The following DACH2 variants were observed in gnomAD, a reference collection of about 807,000 sequenced individuals.
DACH2 encodes dachshund homolog 2.
In DACH2, 17 loss-of-function variants were observed where a neutral mutation model predicts 35.8. That is an observed-to-expected ratio of 0.48 (90% CI 0.33 to 0.71). DACH2 has a LOEUF of 0.71. Ranked by LOEUF, DACH2 falls within the 30% of genes least tolerant of loss-of-function variation. The probability of loss-of-function intolerance (pLI) is 0.02; values close to 1 mark genes in which losing one functional copy is unlikely to be tolerated. For synonymous variants in DACH2, 195 were observed against 177.3 expected (o/e 1.10, Z -0.79); for missense variants, 469 against 472.7 (o/e 0.99, Z 0.07).
chrX:86,660,712 C>T (rs1321159550), intron 4 of DACH2, among the ~76,000 whole-genome samples: 1 of 111,273 alleles, frequency 9.0e-6, no homozygotes, highest in Non-Finnish European at 1.9e-5. Context: ...AGTTAATTTA[C>T]AGCATATATT....
chrX:86,295,419 C>G (rs1184392664), intron 1 of DACH2, among the ~76,000 whole-genome samples: 1 of 111,959 alleles, frequency 8.9e-6, no homozygotes, highest in Non-Finnish European at 1.9e-5. Context: ...GCAGCTGTTC[C>G]TATTCGCTCT....
chrX:86,200,942 C>T (rs1276232687), intron 1 of DACH2, among the ~76,000 whole-genome samples: 3 of 111,283 alleles, frequency 2.7e-5, no homozygotes, highest in Non-Finnish European at 5.7e-5. Context: ...TTGGTATATA[C>T]CCAAAGGTAT....
intron 1 of DACH2, among the ~76,000 whole-genome samples, chrX:86,341,363 C>A (rs1031530566): frequency 9.0e-6 from 1 of 111,689 alleles, no homozygotes; most frequent in Non-Finnish European, 1.9e-5. Context: ...ACAAATGGCA[C>A]AAGAAAACTT....
intron 2 of DACH2, among the ~76,000 whole-genome samples, chrX:86,463,617 A>G (rs746677865): frequency 9.0e-6 from 1 of 111,642 alleles, no homozygotes; most frequent in Non-Finnish European, 1.9e-5. Flanking sequence ...AGGCATGGGC[A>G]AAGACTTCAT....
intron 2 of DACH2, among the ~76,000 whole-genome samples, chrX:86,402,634 C>T (rs1221844234): frequency 2.7e-5 from 3 of 111,586 alleles, no homozygotes; most frequent in Non-Finnish European, 5.7e-5. Context: ...CATGCCATTC[C>T]TATCAAGCTA....
At chrX:86,412,994 C>T (rs1050476962) in intron 2 of DACH2, among the ~76,000 whole-genome samples, 1 of 111,639 alleles carries the variant, frequency 9.0e-6, no homozygotes, top group Non-Finnish European at 1.9e-5. Flanking sequence ...TGTGCCTTTT[C>T]TTGGTTGTAG....
chrX:86,667,358 A>G (rs1477430291), intron 4 of DACH2, among the ~76,000 whole-genome samples: 19 of 53,231 alleles, frequency 3.6e-4, no homozygotes, highest in East Asian at 2.8e-3. Context: ...AGGAAGGAAG[A>G]GGAAGGGAAG....
At chrX:86,812,738 G>A (rs2042406514) in intron 7 of DACH2, 118 bp from the exon 8 acceptor site, 1 of 420,115 alleles carries the variant, frequency 2.4e-6, no homozygotes, top group African/African-American at 2.6e-5. Flanking sequence ...CTAATTATGA[G>A]AATGTCAGTC....
intron 3 of DACH2, among the ~76,000 whole-genome samples, chrX:86,614,246 T>C (rs2039979491): frequency 9.0e-6 from 1 of 111,645 alleles, no homozygotes; most frequent in South Asian, 3.7e-4. Context: ...TTATCTTAGG[T>C]GGAACTTGAT....
intron 3 of DACH2, among the ~76,000 whole-genome samples, chrX:86,631,988 A>G (rs1487754160): frequency 9.0e-6 from 1 of 111,686 alleles, no homozygotes; most frequent in Non-Finnish European, 1.9e-5. Context: ...ATCTAGTACA[A>G]AGCAAATCTA....
intron 4 of DACH2, among the ~76,000 whole-genome samples, chrX:86,665,104 A>G (rs1006267571): frequency 8.9e-6 from 1 of 111,887 alleles, no homozygotes; most frequent in Non-Finnish European, 1.9e-5. Flanking sequence ...CCTTCAATAA[A>G]CATAAGGAAA....
intron 3 of DACH2, among the ~76,000 whole-genome samples, chrX:86,560,124 A>T (rs1206621427): frequency 1.3e-4 from 4 of 30,532 alleles, no homozygotes; most frequent in Non-Finnish European, 1.0e-4. Context: ...GAGCTCTTTT[A>T]GGGCAGGCCT....
At chrX:86,474,064 G>A (rs892845820) in intron 2 of DACH2, among the ~76,000 whole-genome samples, 1 of 111,620 alleles carries the variant, frequency 9.0e-6, no homozygotes, top group Non-Finnish European at 1.9e-5. Flanking sequence ...ATTTTAACTG[G>A]GGTGAGATGA....
chrX:86,553,165 G>A (rs139108687), intron 3 of DACH2, among the ~76,000 whole-genome samples: 6,930 of 111,132 alleles, frequency 0.062, 553 homozygotes, highest in African/African-American at 0.21. Flanking sequence ...GGAAGCCGAC[G>A]GTGCAGCCTT....
Position 86,635,852 on chromosome X carries a change from T to G in DACH2, c.641-15184T>G, listed in dbSNP as rs181063986. ...AGTGTAAGATCCCTGTAGGAAGAAC[T>G]ACTGAACACTGCCCAAAGAAATCAG... On this transcript the variant is annotated intron_variant, in intron 3 of 11. Transcript: ENST00000373125. Among the ~76,000 whole-genome samples the G allele has an allele frequency of 5.4e-5, 6 of 111,419 alleles. No individual in the cohort carries two copies. In the East Asian group the frequency reaches 1.7e-3, roughly 32 times the overall value.
intron 1 of DACH2, among the ~76,000 whole-genome samples, chrX:86,271,214 A>G: frequency 8.9e-6 from 1 of 111,952 alleles, no homozygotes; most frequent in Non-Finnish European, 1.9e-5. Flanking sequence ...AGGACCATCA[A>G]GGCTCTTCAA....
intron 3 of DACH2, among the ~76,000 whole-genome samples, chrX:86,646,660 G>A (rs1432143900): frequency 1.8e-5 from 2 of 109,487 alleles, no homozygotes; most frequent in Non-Finnish European, 3.8e-5. Flanking sequence ...GGCAACCTAC[G>A]GAATGGAGGA....
intron 1 of DACH2, chrX:86,160,337 T>C: frequency 1.0e-6 from 1 of 976,154 alleles, no homozygotes; most frequent in Non-Finnish European, 1.5e-6. Context: ...CTGTCTCATA[T>C]CACAAACACC....
intron 4 of DACH2, among the ~76,000 whole-genome samples, chrX:86,681,951 G>A (rs1429340951): frequency 9.1e-6 from 1 of 110,436 alleles, no homozygotes; most frequent in Non-Finnish European, 1.9e-5. Flanking sequence ...TTTTCCTTCA[G>A]ATGCTTTGCA....
Sources: gnomAD v4.1 joint callset for allele counts (sites outside exome capture counted in the v4.1 genomes callset) on GRCh38, gnomAD v4.1.1 for gene constraint, MANE v1.5 for transcripts, NCBI Gene and HGNC (gene_info 2026-07-23, HGNC 2026-07-21) for gene names.